FBN2: variants seen among roughly 807,000 people sequenced by gnomAD.
FBN2 encodes the protein fibrillin 2, also known as fibrillin-2.
In FBN2, 105 loss-of-function variants were observed where a neutral mutation model predicts 355.6. That is an observed-to-expected ratio of 0.30 (90% CI 0.25 to 0.35). The LOEUF is 0.35. FBN2 is among the 10% of genes least tolerant of loss of function. The probability of loss-of-function intolerance (pLI) is 1.00; values close to 1 mark genes in which losing one functional copy is unlikely to be tolerated. For synonymous variants in FBN2, 1,350 were observed against 1,301.2 expected (o/e 1.04, Z -0.81); for missense variants, 3,280 against 3,758.7 (o/e 0.87, Z 3.33).
At chr5:128,263,295 C>G in intron 63 of FBN2, 130 bp downstream of exon 63, 2 of 745,048 alleles carry the variant, frequency 2.7e-6, no homozygotes, top group Non-Finnish European at 2.4e-6. Flanking sequence ...TCTGCATACC[C>G]GAAGAGTTCT....
At position 128,330,249 on chromosome 5, in the gene FBN2, A is replaced by G. The variant is rs116561386; in HGVS notation, c.4345+324T>C. Among the ~76,000 whole-genome samples the G allele has an allele frequency of 5.6e-3, 856 of 152,350 alleles. 6 individuals are homozygous for G. Among genetic ancestry groups the G allele is most frequent in the African/African-American group, 0.019 (802 of 41,576 alleles). ...ACAGGCAAAAAATGGCATAGGCAAG[A>G]TTTGAATCCAGGTAGTCTGATCCAG... is the stretch of plus-strand genomic sequence containing the variant. On this transcript the variant is annotated intron_variant, in intron 33 of 64. Coordinates refer to ENST00000262464, the MANE Select transcript of FBN2 (RefSeq NM_001999.4).
chr5:128,510,661 C>T (rs1358783337), intron 5 of FBN2, among the ~76,000 whole-genome samples: 2 of 152,024 alleles, frequency 1.3e-5, no homozygotes, highest in African/African-American at 4.8e-5. Context: ...AAATTCTGAG[C>T]CTATGAATTC....
At chr5:128,464,061 T>TAATTAA (rs1754630586) in intron 6 of FBN2, among the ~76,000 whole-genome samples, 1 of 152,200 alleles carries the variant, frequency 6.6e-6, no homozygotes, top group Non-Finnish European at 1.5e-5. Flanking sequence ...AGCTGAAAAT[T>TAATTAA]AATTAAAATA....
At chr5:128,434,985 G>A (rs935143744) in intron 7 of FBN2, among the ~76,000 whole-genome samples, 13 of 151,974 alleles carry the variant, frequency 8.6e-5, no homozygotes, top group Admixed American at 8.5e-4. Flanking sequence ...TGAATTGCAA[G>A]AATCATGTGA....
chr5:128,280,191 C>T lies in FBN2; in HGVS notation c.7138+1G>A. The T allele has an allele frequency of 6.2e-7, 1 of 1,611,472 alleles. No individual in the cohort carries two copies. Among genetic ancestry groups the T allele is most frequent in the Non-Finnish European group, 8.5e-7 (1 of 1,178,130 alleles). On this transcript the variant is annotated splice_donor_variant, in intron 56 of 64. Transcript: ENST00000262464. LOFTEE classifies it high-confidence loss of function. ...TATAATATATTTGGATGTCAACTTA[C>T]CAAGGCATTCAGTGCCTGAAGAACT...
chr5:128,307,352 G>A, intron 41 of FBN2, 149 bp from the exon 42 acceptor site: 1 of 656,800 alleles, frequency 1.5e-6, no homozygotes. Context: ...AGCAATGCCA[G>A]CTTCTGCTAG....
At chr5:128,344,673 T>C (rs1751120575) in intron 24 of FBN2, among the ~76,000 whole-genome samples, 163 bp from the exon 25 acceptor site, 1 of 151,986 alleles carries the variant, frequency 6.6e-6, no homozygotes, top group Admixed American at 6.6e-5. Context: ...ACAGGAAGTT[T>C]CAATATGGTG....
At chr5:128,339,249 C>T in intron 25 of FBN2, 188 bp from the exon 26 acceptor site, 1 of 595,308 alleles carries the variant, frequency 1.7e-6, no homozygotes, top group Non-Finnish European at 3.0e-6. Context: ...GCCAAAACTG[C>T]CATGCCAACA....
At chr5:128,307,106 TAAAAC>T in intron 42 of FBN2, 24 bp downstream of exon 42, 1 of 1,444,664 alleles carries the variant, frequency 6.9e-7, no homozygotes, top group Non-Finnish European at 9.7e-7. Flanking sequence ...ACATATGTAT[TAAAAC>T]AAACATAATC....
intron 11 of FBN2, among the ~76,000 whole-genome samples, chr5:128,389,144 G>A (rs950494067): frequency 1.4e-4 from 21 of 152,146 alleles, no homozygotes; most frequent in African/African-American, 4.6e-4. Flanking sequence ...ATTTCTGATT[G>A]TATTATGAAA....
chr5:128,293,979 C>G (rs1450770437), intron 48 of FBN2, among the ~76,000 whole-genome samples: 1 of 151,252 alleles, frequency 6.6e-6, no homozygotes, highest in Non-Finnish European at 1.5e-5. Flanking sequence ...CAATGCTATC[C>G]CTCCCTCCTC....
chr5:128,292,294 C>T (rs753166908), intron 48 of FBN2, among the ~76,000 whole-genome samples: 3 of 152,128 alleles, frequency 2.0e-5, no homozygotes, highest in African/African-American at 4.8e-5. Flanking sequence ...TTCCCCCTTT[C>T]CCCAGAACGC....
intron 11 of FBN2, among the ~76,000 whole-genome samples, chr5:128,379,440 A>G (rs1288125240): frequency 6.6e-6 from 1 of 152,134 alleles, no homozygotes; most frequent in Non-Finnish European, 1.5e-5. Context: ...TTGAAGTAAA[A>G]AAACATGAGG....
At chr5:128,481,573 C>T (rs538099107) in intron 5 of FBN2, among the ~76,000 whole-genome samples, 9 of 152,214 alleles carry the variant, frequency 5.9e-5, no homozygotes, top group African/African-American at 1.9e-4. Context: ...TTCCAAACTC[C>T]GCTAACATTC....
At position 128,475,471 on chromosome 5, in the gene FBN2, A is replaced by G. The variant is rs548091763; in HGVS notation, c.629-10550T>C. On this transcript the variant is annotated intron_variant, in intron 5 of 64. Transcript: ENST00000262464. ...GTTGTCTGGAAGTCAGTGAGAATAA[A>G]CAGGTCACAACATAGAGCCTAGAAA... Among the ~76,000 whole-genome samples the G allele has an allele frequency of 2.0e-5, 3 of 152,302 alleles. No homozygotes were observed. The East Asian group carries it at 5.8e-4, about 29-fold the overall frequency.
At chr5:128,369,676 ATAT>A (rs1751880018) in intron 15 of FBN2, among the ~76,000 whole-genome samples, 1 of 152,202 alleles carries the variant, frequency 6.6e-6, no homozygotes, top group South Asian at 2.1e-4. Flanking sequence ...TGGCTATGCT[ATAT>A]TCAAAATGAC....
At chr5:128,287,645 G>C (rs573941568) in intron 53 of FBN2, among the ~76,000 whole-genome samples, 83 of 152,304 alleles carry the variant, frequency 5.4e-4, no homozygotes, top group African/African-American at 1.9e-3. Context: ...GAAGTTTTTA[G>C]TGGTGAGCTG....
intron 5 of FBN2, among the ~76,000 whole-genome samples, chr5:128,482,725 T>A (rs1374512727): frequency 6.6e-6 from 1 of 152,182 alleles, no homozygotes; most frequent in Non-Finnish European, 1.5e-5. Context: ...CCATGTCACC[T>A]GCAAATATTA....
chr5:128,452,114 C>A (rs1171441959), intron 6 of FBN2, among the ~76,000 whole-genome samples: 2 of 151,780 alleles, frequency 1.3e-5, no homozygotes, highest in East Asian at 1.9e-4. Context: ...CACTTTGGAC[C>A]AAGATGTGCT....
Sources: allele counts gnomAD v4.1 joint callset (sites outside exome capture counted in the v4.1 genomes callset), GRCh38; gene constraint gnomAD v4.1.1; transcripts MANE v1.5; gene names NCBI Gene and HGNC (gene_info 2026-07-23, HGNC 2026-07-21).